Variants in HOXD1 observed in about 807,000 individuals in gnomAD.
HOXD1 encodes homeobox protein Hox-D1.
Under a neutral mutation model 19.9 loss-of-function variants are expected in HOXD1, and 17 were observed. The observed-to-expected ratio is 0.85, with a 90% CI of 0.58 to 1.28. The LOEUF (loss-of-function observed/expected upper bound fraction) is 1.28. Among genes scored for constraint, HOXD1 ranks in the 50% most tolerant of loss-of-function variants. HOXD1 has a pLI of 0.00. For missense variants in HOXD1, 500 were observed against 460.1 expected (o/e 1.09, Z -0.79); for synonymous variants, 239 against 216.0 (o/e 1.11, Z -0.93).
In HOXD1 at chr2:176,190,028, G is replaced by T; in HGVS notation, c.873G>T (p.Gly291=). 1 of 1,614,022 alleles carries T rather than the reference G, an allele frequency of 6.2e-7. No individual in the cohort carries two copies. Among genetic ancestry groups the T allele is most frequent in the Non-Finnish European group, 8.5e-7 (1 of 1,179,942 alleles). ...AACAGAAGAAAAGGGAACGAGAAGG[G>T]CTTCTGGCCACGGCCATTCCTGTGG... The part of the protein sequence containing the change: ...RMKQKKRERE[G]LLATAIPVAP... Residue 291 remains glycine, a synonymous_variant, in exon 2 of 2, where the codon GGG becomes GGT. Transcript: ENST00000331462.
rs1467616689 is a variant in HOXD1 at position 176,189,790 on chromosome 2, CCT to C, written c.653-17_653-16del. The stretch of plus-strand genomic sequence containing the variant: ...CCCCGGCCTCAGGCCTGGCTGACGC[CCT>C]GTCTTTACGTTGCAGGCAAACTCGC... On this transcript the variant is annotated splice_polypyrimidine_tract_variant and intron_variant, in intron 1 of 1. Transcript: ENST00000331462. 9 of 1,612,242 alleles carry C rather than the reference CCT, an allele frequency of 5.6e-6. No individual in the cohort carries two copies. The highest frequency in any genetic ancestry group is 7.6e-6 in the Non-Finnish European group (9 of 1,178,790).
In HOXD1 at chr2:176,190,448, A is replaced by G; in HGVS notation, c.*306A>G. The G allele has an allele frequency of 2.7e-6, 1 of 374,298 alleles. No individual in the cohort carries two copies. Among genetic ancestry groups the G allele is most frequent in the Non-Finnish European group, 4.8e-6 (1 of 208,562 alleles). 23.2% of individuals were successfully genotyped at this position (374,298 alleles called of 1,614,324 possible). ...CTTAGTCATGTGCAATTCGCGTTGCAGAGTGGCAGACCATTAGTTGCTGAG... is the reference window on the plus strand; with the variant it reads ...CTTAGTCATGTGCAATTCGCGTTGCGGAGTGGCAGACCATTAGTTGCTGAG... On this transcript the variant is annotated 3_prime_UTR_variant, in exon 2 of 2. Coordinates refer to ENST00000331462, the MANE Select transcript of HOXD1 (RefSeq NM_024501.3).
Position 176,189,356 on chromosome 2 carries a change from A to AG in HOXD1, c.557dup (p.Thr187HisfsTer30). 1 of 1,612,570 alleles carries AG rather than the reference A, an allele frequency of 6.2e-7. No homozygotes were observed. Among genetic ancestry groups the AG allele is most frequent in the East Asian group, 2.2e-5 (1 of 44,768 alleles). On this transcript the variant is annotated frameshift_variant, in exon 1 of 2. Transcript: ENST00000331462. LOFTEE classifies it high-confidence loss of function. The stretch of plus-strand genomic sequence containing the variant: ...CTTTCCAGACCGCATCCCCGGCCCC[A>AG]GGCACCTACCCCAAGTCCGTCTCTC...
Position 176,189,168 on chromosome 2 carries a change from CGGG to C in HOXD1, c.368_370del (p.Arg123_Ala124delinsPro). On this transcript the variant is annotated inframe_deletion, in exon 1 of 2. Coordinates refer to ENST00000331462, the MANE Select transcript of HOXD1 (RefSeq NM_024501.3). ...GTACGACTTCCCGGGCGTGCTGGGG[CGGG>C]CGGCCGACGACGGCGGGTCTCACGT... 6.5e-7 allele frequency: 1 copy of C among 1,550,176 alleles called. No homozygotes were observed. Among genetic ancestry groups the C allele is most frequent in the Non-Finnish European group, 8.7e-7 (1 of 1,155,346 alleles).
chr2:176,189,008 C>A lies in HOXD1; in HGVS notation c.207C>A (p.Pro69=). 3 of 1,419,128 alleles carry A rather than the reference C, an allele frequency of 2.1e-6. No individual in the cohort carries two copies. The highest frequency in any genetic ancestry group is 1.6e-5 in the South Asian group (1 of 63,826). 87.9% of individuals were successfully genotyped at this position (1,419,128 alleles called of 1,614,324 possible). A position where few individuals can be genotyped will look rare whatever the true frequency, so the allele number is the denominator to read the frequency against. Residue 69 remains proline (P), a synonymous_variant, in exon 1 of 2, where the codon CCC becomes CCA. Transcript: ENST00000331462. ...CCTCGCCTTCGCCCCCGGCCGCCCC[C>A]GCGCGGCCGTCCGTACCGCCTCCGG... is the stretch of plus-strand genomic sequence containing the variant. The part of the protein sequence containing the change: ...ARPSPSPPAA[P]ARPSVPPPAA...
Position 176,189,153 on chromosome 2 carries a change from C to G in HOXD1, c.352C>G (p.Pro118Ala), listed in dbSNP as rs1357643791. 6.3e-7 allele frequency: 1 copy of G among 1,591,084 alleles called. No homozygotes were observed. Among genetic ancestry groups the G allele is most frequent in the African/African-American group, 1.3e-5 (1 of 74,528 alleles). Residue 118 changes from proline (P) to alanine (A), a missense_variant, in exon 1 of 2, where the codon CCG (proline) becomes GCG (alanine). Coordinates refer to ENST00000331462, the MANE Select transcript of HOXD1 (RefSeq NM_024501.3). ...GGGGTCCGGGCCGGCGTACGACTTC[C>G]CGGGCGTGCTGGGGCGGGCGGCCGA... ...FLGSGPAYDF[P>A]GVLGRAADDG...
chr2:176,189,607 C>G, intron 1 of HOXD1, 154 bp downstream of exon 1: 1 of 1,564,604 alleles, frequency 6.4e-7, no homozygotes, highest in South Asian at 1.2e-5. Flanking sequence ...TGGAGTCTGC[C>G]TCGAGTACAG....
At position 176,189,139 on chromosome 2, in the gene HOXD1, C is replaced by T; in HGVS notation, c.338C>T (p.Pro113Leu). 1 of 1,578,592 alleles carries T rather than the reference C, an allele frequency of 6.3e-7. No individual in the cohort carries two copies. The highest frequency in any genetic ancestry group is 8.6e-7 in the Non-Finnish European group (1 of 1,167,208). The change falls in exon 1 of 2, where the codon CCG becomes CTG. Residue 113 changes from proline (P) to leucine (L), a missense_variant. Coordinates refer to ENST00000331462, the MANE Select transcript of HOXD1 (RefSeq NM_024501.3). Reference protein sequence around the residue: ...GADYGFLGSGPAYDFPGVLGR... With the variant: ...GADYGFLGSGLAYDFPGVLGR... ...GACTACGGCTTCCTGGGGTCCGGGC[C>T]GGCGTACGACTTCCCGGGCGTGCTG...
chr2:176,188,703 G>A lies in HOXD1; in HGVS notation c.-99G>A, dbSNP rs1220703427. ...GGAGAGGGCAGCTCGGGTAGAGAGGGCTGGCGGAGCGGCGCAGACGGCGGC... is the reference window on the plus strand; with the variant it reads ...GGAGAGGGCAGCTCGGGTAGAGAGGACTGGCGGAGCGGCGCAGACGGCGGC... On this transcript the variant is annotated 5_prime_UTR_variant, in exon 1 of 2. Transcript: ENST00000331462. 5 of 1,266,004 alleles carry A rather than the reference G, an allele frequency of 3.9e-6. No homozygotes were observed. The highest frequency in any genetic ancestry group is 5.6e-6 in the Non-Finnish European group (5 of 893,492). The allele number at this position is 1,266,004 out of a possible 1,614,324, so 78.4% of individuals were successfully genotyped here. A position where few individuals can be genotyped will look rare whatever the true frequency, so the allele number is the denominator to read the frequency against.
chr2:176,189,013 G>T lies in HOXD1; in HGVS notation c.212G>T (p.Arg71Leu). 1 of 1,416,754 alleles carries T rather than the reference G, an allele frequency of 7.1e-7. No individual in the cohort carries two copies. The highest frequency in any genetic ancestry group is 9.1e-7 in the Non-Finnish European group (1 of 1,099,588). The allele number at this position is 1,416,754 out of a possible 1,614,324, so 87.8% of individuals were successfully genotyped here. Residue 71 changes from arginine to leucine, a missense_variant, in exon 1 of 2, where the codon CGG (arginine) becomes CTG (leucine). By Grantham distance (102) the Arg-to-Leu change is moderately radical. Coordinates refer to ENST00000331462, the MANE Select transcript of HOXD1 (RefSeq NM_024501.3). Reference sequence around the variant, plus strand: ...CCTTCGCCCCCGGCCGCCCCCGCGCGGCCGTCCGTACCGCCTCCGGCCGCG... The same window carrying T: ...CCTTCGCCCCCGGCCGCCCCCGCGCTGCCGTCCGTACCGCCTCCGGCCGCG... ...PSPSPPAAPA[R>L]PSVPPPAAPQ... is the part of the protein sequence containing the mutation.
At position 176,189,034 on chromosome 2, in the gene HOXD1, C is replaced by T. The variant is rs1691730723; in HGVS notation, c.233C>T (p.Ala78Val). 1.4e-6 allele frequency: 2 copies of T among 1,414,056 alleles called. No individual in the cohort carries two copies. Among genetic ancestry groups the T allele is most frequent in the African/African-American group, 1.5e-5 (1 of 65,886 alleles). 87.6% of individuals were successfully genotyped at this position (1,414,056 alleles called of 1,614,324 possible). Residue 78 changes from alanine to valine, a missense_variant, in exon 1 of 2, where the codon GCC (alanine) becomes GTC (valine). Transcript: ENST00000331462. ...APARPSVPPP[A>V]APQYAQCTLE... ...GCGCGGCCGTCCGTACCGCCTCCGG[C>T]CGCGCCCCAGTACGCGCAGTGCACC...
chr2:176,189,410 C>A lies in HOXD1; in HGVS notation c.609C>A (p.Ser203Arg). 5.6e-6 allele frequency: 9 copies of A among 1,613,170 alleles called. No individual in the cohort carries two copies. Among genetic ancestry groups the A allele is most frequent in the Non-Finnish European group, 7.6e-6 (9 of 1,179,958 alleles). The change falls in exon 1 of 2, where the codon AGC (serine) becomes AGA (arginine). Residue 203 changes from serine to arginine, a missense_variant. Transcript: ENST00000331462. ...CCTCCGGCCTCCCTGCCGCCTTCAGCACGTTCGAGTGGATGAAAGTGAAGA... is the reference window on the plus strand; with the variant it reads ...CCTCCGGCCTCCCTGCCGCCTTCAGAACGTTCGAGTGGATGAAAGTGAAGA... ...SPASGLPAAF[S>R]TFEWMKVKRN...
At position 176,189,448 on chromosome 2, in the gene HOXD1, A is replaced by G; in HGVS notation, c.647A>G (p.Lys216Arg). ...EWMKVKRNAS[K>R]KGKLAEYGAA... is the part of the protein sequence containing the mutation. ...ATGAAAGTGAAGAGGAATGCCTCTA[A>G]GAAAGGTAAGTCCGCGGGCCTTGGA... The change falls in exon 1 of 2, where the codon AAG becomes AGG. Residue 216 changes from lysine (K) to arginine (R), a missense_variant. Coordinates refer to ENST00000331462, the MANE Select transcript of HOXD1 (RefSeq NM_024501.3). 1.2e-6 allele frequency: 2 copies of G among 1,611,992 alleles called. No homozygotes were observed. The highest frequency in any genetic ancestry group is 1.3e-5 in the African/African-American group (1 of 75,004).
Position 176,189,380 on chromosome 2 carries a change from TCCCGCCTCCGGCCTCC to T in HOXD1, c.581_596del (p.Pro194LeufsTer10). ...CAGGCACCTACCCCAAGTCCGTCTC[TCCCGCCTCCGGCCTCC>T]CTGCCGCCTTCAGCACGTTCGAGTG... is the stretch of plus-strand genomic sequence containing the variant. On this transcript the variant is annotated frameshift_variant, in exon 1 of 2. Coordinates refer to ENST00000331462, the MANE Select transcript of HOXD1 (RefSeq NM_024501.3). LOFTEE classifies it high-confidence loss of function. The T allele has an allele frequency of 6.2e-7, 1 of 1,612,910 alleles. No homozygotes were observed. Among genetic ancestry groups the T allele is most frequent in the Non-Finnish European group, 8.5e-7 (1 of 1,179,912 alleles).
Position 176,189,216 on chromosome 2 carries a change from G to A in HOXD1, c.415G>A (p.Val139Ile), listed in dbSNP as rs1367963780. 6.3e-7 allele frequency: 1 copy of A among 1,586,914 alleles called. No homozygotes were observed. The change falls in exon 1 of 2, where the codon GTC becomes ATC. Residue 139 changes from valine (V) to isoleucine (I), a missense_variant. Transcript: ENST00000331462. The stretch of plus-strand genomic sequence containing the variant: ...TCACGTCCACTACGCCACCTCGGCC[G>A]TCTTCTCGGGCGGCGGCTCTTTCCT... ...GSHVHYATSA[V>I]FSGGGSFLLS...
chr2:176,190,061 C>T lies in HOXD1; in HGVS notation c.906C>T (p.Leu302=). The part of the protein sequence containing the change: ...LLATAIPVAP[L]QLPLSGTTPT... Reference sequence around the variant, plus strand: ...CCACGGCCATTCCTGTGGCTCCCCTCCAACTTCCCCTCTCTGGAACAACCC... The same window carrying T: ...CCACGGCCATTCCTGTGGCTCCCCTTCAACTTCCCCTCTCTGGAACAACCC... The change falls in exon 2 of 2, where the codon CTC becomes CTT. Residue 302 remains leucine (L), a synonymous_variant. Transcript: ENST00000331462. The T allele has an allele frequency of 1.2e-6, 2 of 1,614,006 alleles. No homozygotes were observed. Among genetic ancestry groups the T allele is most frequent in the Non-Finnish European group, 1.7e-6 (2 of 1,179,908 alleles).
rs1387963666 is a variant in HOXD1, at chr2:176,190,128, C to G, written c.973C>G (p.Gln325Glu). The G allele has an allele frequency of 1.3e-6, 2 of 1,598,962 alleles. No homozygotes were observed. Among genetic ancestry groups the G allele is most frequent in the Non-Finnish European group, 1.7e-6 (2 of 1,172,224 alleles). ...IKNPGSPSQSQEPS is the reference protein window; with the variant it reads ...IKNPGSPSQSEEPS ...GAACCCCGGCAGCCCTTCTCAGTCC[C>G]AAGAGCCTTCGTGAGGCCGGTACTT... Residue 325 changes from glutamine to glutamate, a missense_variant, in exon 2 of 2, where the codon CAA becomes GAA. Physicochemically the swap from Gln to Glu is conservative, Grantham distance 29. Transcript: ENST00000331462.
In HOXD1 at chr2:176,189,835, G is replaced by GC. The variant is rs1030318201; in HGVS notation, c.684dup (p.Ser229LeufsTer24). ...AAACTCGCCGAGTATGGGGCCGCTA[G>GC]CCCCTCCAGCGCGATCCGCACGAAT... On this transcript the variant is annotated frameshift_variant, in exon 2 of 2. Transcript: ENST00000331462. LOFTEE classifies it high-confidence loss of function. 1.2e-6 allele frequency: 2 copies of GC among 1,614,096 alleles called. No individual in the cohort carries two copies. The highest frequency in any genetic ancestry group is 2.7e-5 in the African/African-American group (2 of 75,046).
rs1559155014 is a variant in HOXD1, at chr2:176,189,892, A to C, written c.737A>C (p.Lys246Thr). 6.2e-7 allele frequency: 1 copy of C among 1,614,204 alleles called. No individual in the cohort carries two copies. Among genetic ancestry groups the C allele is most frequent in the Non-Finnish European group, 8.5e-7 (1 of 1,180,032 alleles). ...ACCAAGCAACTGACAGAACTGGAAA[A>C]AGAGTTTCATTTCAATAAGTACTTA... ...FSTKQLTELE[K>T]EFHFNKYLTR... The change falls in exon 2 of 2, where the codon AAA (lysine) becomes ACA (threonine). Residue 246 changes from lysine (K) to threonine (T), a missense_variant. Coordinates refer to ENST00000331462, the MANE Select transcript of HOXD1 (RefSeq NM_024501.3).
Sources: gnomAD v4.1 joint callset for allele counts on GRCh38, gnomAD v4.1.1 for gene constraint, MANE v1.5 for transcripts, NCBI Gene and HGNC (gene_info 2026-07-23, HGNC 2026-07-21) for gene names.